Variants in PHLPP1 observed in about 807,000 individuals in gnomAD.
PHLPP1 encodes PH domain and leucine rich repeat protein phosphatase 1.
Under a neutral mutation model 117.2 loss-of-function variants are expected in PHLPP1, and 42 were observed. The observed-to-expected ratio is 0.36, with a 90% CI of 0.28 to 0.46. PHLPP1 has a LOEUF of 0.46. Ranked by LOEUF, PHLPP1 falls within the 20% of genes least tolerant of loss-of-function variation. The pLI is 1.00. For synonymous variants in PHLPP1, 1,042 were observed against 970.7 expected (o/e 1.07, Z -1.37); for missense variants, 2,084 against 2,241.9 (o/e 0.93, Z 1.42).
chr18:62,772,228 A>G (rs1206550096), intron 1 of PHLPP1, among the ~76,000 whole-genome samples: 2 of 152,210 alleles, frequency 1.3e-5, no homozygotes, highest in Non-Finnish European at 2.9e-5. Context: ...AAGGTTATGT[A>G]ATGTTGTGGG....
At chr18:62,826,512 T>G (rs1416690169) in intron 1 of PHLPP1, among the ~76,000 whole-genome samples, 3 of 152,230 alleles carry the variant, frequency 2.0e-5, no homozygotes, top group Non-Finnish European at 4.4e-5. Flanking sequence ...ATATGGTTTT[T>G]GGACTACATT....
chr18:62,916,743 T>C (rs1172801798), intron 9 of PHLPP1, among the ~76,000 whole-genome samples: 1 of 128,834 alleles, frequency 7.8e-6, no homozygotes, highest in East Asian at 2.3e-4. Flanking sequence ...TCTTTCCTTC[T>C]ATTCTTTTTT....
chr18:62,758,735 G>A (rs1044657864), intron 1 of PHLPP1, among the ~76,000 whole-genome samples: 2 of 152,114 alleles, frequency 1.3e-5, no homozygotes, highest in African/African-American at 2.4e-5. Context: ...TGCCACCAGA[G>A]TGAAGGATTT....
intron 1 of PHLPP1, among the ~76,000 whole-genome samples, chr18:62,754,151 C>T (rs949383361): frequency 2.6e-4 from 39 of 152,210 alleles, no homozygotes; most frequent in Non-Finnish European, 3.1e-4. Context: ...AGATTCTGGC[C>T]TCTCAGTTGT....
intron 1 of PHLPP1, among the ~76,000 whole-genome samples, chr18:62,762,731 G>A (rs1250606659): frequency 6.6e-6 from 1 of 151,894 alleles, no homozygotes; most frequent in Admixed American, 6.6e-5. Flanking sequence ...TTGATTTTAC[G>A]TGATTTTCAT....
chr18:62,848,112 T>C (rs964399385), intron 3 of PHLPP1, among the ~76,000 whole-genome samples: 1 of 152,206 alleles, frequency 6.6e-6, no homozygotes, highest in Non-Finnish European at 1.5e-5. Context: ...CTCTGATTTG[T>C]TGACATCCTT....
At chr18:62,798,466 C>T (rs907722229) in intron 1 of PHLPP1, among the ~76,000 whole-genome samples, 2 of 152,090 alleles carry the variant, frequency 1.3e-5, no homozygotes, top group African/African-American at 4.8e-5. Flanking sequence ...AAAATTTAAA[C>T]TCTGAGATAG....
At chr18:62,917,435 T>TGTG (rs1599119456) in intron 9 of PHLPP1, among the ~76,000 whole-genome samples, 11 of 150,920 alleles carry the variant, frequency 7.3e-5, no homozygotes, top group Non-Finnish European at 1.0e-4. Flanking sequence ...TGTGTGTGTG[T>TGTG]TTAACATGTG....
intron 9 of PHLPP1, among the ~76,000 whole-genome samples, chr18:62,915,623 A>G (rs1909246215): frequency 6.6e-6 from 1 of 152,238 alleles, no homozygotes; most frequent in Non-Finnish European, 1.5e-5. Context: ...AAATACAGAC[A>G]GATATTTTCA....
intron 1 of PHLPP1, among the ~76,000 whole-genome samples, chr18:62,719,472 C>T (rs1910853906): frequency 6.6e-6 from 1 of 152,162 alleles, no homozygotes; most frequent in Non-Finnish European, 1.5e-5. Flanking sequence ...TGTCAGGACT[C>T]CACATATAGT....
In PHLPP1 at chr18:62,975,521, G is replaced by A; in HGVS notation, c.3880G>A (p.Val1294Ile). 1 of 1,613,932 alleles carries A rather than the reference G, an allele frequency of 6.2e-7. No homozygotes were observed. The highest frequency in any genetic ancestry group is 8.5e-7 in the Non-Finnish European group (1 of 1,179,802). ...TGCTAATGTGGGCAAGTGCCAAACAGTTCTCTGTCGAAATGGAAAGCCGCT... is the reference window on the plus strand; with the variant it reads ...TGCTAATGTGGGCAAGTGCCAAACAATTCTCTGTCGAAATGGAAAGCCGCT... The part of the protein sequence containing the change: ...TSANVGKCQT[V>I]LCRNGKPLPL... The change falls in exon 16 of 17, where the codon GTT becomes ATT. Residue 1294 changes from valine to isoleucine, a missense_variant. Val to Ile is a conservative substitution (Grantham distance 29, BLOSUM62 3). Around this residue, in one of 2 missense-constraint regions of PHLPP1, gnomAD observed 1,365 missense variants for 1,605.9 expected, o/e 0.85. Coordinates refer to ENST00000262719, the MANE Select transcript of PHLPP1 (RefSeq NM_194449.4).
chr18:62,913,352 A>G (rs953313456), intron 8 of PHLPP1, among the ~76,000 whole-genome samples: 1 of 152,206 alleles, frequency 6.6e-6, no homozygotes, highest in African/African-American at 2.4e-5. Context: ...CCAGAACTGT[A>G]TGTGCTTATA....
At chr18:62,820,742 A>T (rs1387088159) in intron 1 of PHLPP1, among the ~76,000 whole-genome samples, 2 of 152,232 alleles carry the variant, frequency 1.3e-5, no homozygotes, top group Admixed American at 6.5e-5. Flanking sequence ...TAAATTACCC[A>T]GTCTCAGGCA....
At chr18:62,758,501 C>CTTT (rs1358582161) in intron 1 of PHLPP1, among the ~76,000 whole-genome samples, 11 of 152,204 alleles carry the variant, frequency 7.2e-5, no homozygotes, top group Admixed American at 7.2e-4. Context: ...CTTTGTGCAT[C>CTTT]TTTGGGTAGT....
chr18:62,881,619 G>T (rs1300260565), intron 4 of PHLPP1, among the ~76,000 whole-genome samples: 3 of 152,132 alleles, frequency 2.0e-5, no homozygotes, highest in Non-Finnish European at 4.4e-5. Context: ...GTTTATTTTG[G>T]CTCAAGTGTT....
At chr18:62,969,791 C>A (rs570838761) in intron 14 of PHLPP1, among the ~76,000 whole-genome samples, 3 of 152,120 alleles carry the variant, frequency 2.0e-5, no homozygotes, top group Non-Finnish European at 4.4e-5. Context: ...TTTTAACTTT[C>A]TTTTGATTAA....
intron 3 of PHLPP1, among the ~76,000 whole-genome samples, chr18:62,857,566 T>C (rs1568139943): frequency 6.6e-6 from 1 of 152,190 alleles, no homozygotes; most frequent in Non-Finnish European, 1.5e-5. Flanking sequence ...CCAGAGCATC[T>C]GGGTACTTTG....
At chr18:62,723,238 A>C (rs1175981759) in intron 1 of PHLPP1, among the ~76,000 whole-genome samples, 1 of 152,220 alleles carries the variant, frequency 6.6e-6, no homozygotes, top group African/African-American at 2.4e-5. Context: ...GATTTTGGAG[A>C]TATCAATACT....
intron 16 of PHLPP1, among the ~76,000 whole-genome samples, chr18:62,977,818 G>C (rs1003424584): frequency 1.1e-4 from 16 of 149,018 alleles, no homozygotes; most frequent in Non-Finnish European, 4.4e-5. Context: ...AAAGTCTCTT[G>C]CTACCTCAGA....
Sources: allele counts gnomAD v4.1 joint callset (sites outside exome capture counted in the v4.1 genomes callset), GRCh38; gene constraint gnomAD v4.1.1; regional missense constraint gnomAD v4.1.1; transcripts MANE v1.5; gene names NCBI Gene and HGNC (gene_info 2026-07-23, HGNC 2026-07-21).